USO1: variants seen among roughly 807,000 people sequenced by gnomAD.
USO1 encodes the protein general vesicular transport factor p115.
USO1 carries 57 observed loss-of-function variants against 124.5 expected under a neutral mutation model. That is an observed-to-expected ratio of 0.46 (90% CI 0.37 to 0.57). The LOEUF (loss-of-function observed/expected upper bound fraction) is 0.57. Ranked by LOEUF, USO1 falls within the 20% of genes least tolerant of loss-of-function variation. USO1 has a pLI of 0.00. For missense variants in USO1, 900 were observed against 1,040.6 expected, an observed-to-expected ratio of 0.86 and a Z score of 1.86; for synonymous variants, 369 against 362.8, an observed-to-expected ratio of 1.02 and a Z score of -0.19.
At chr4:75,777,304 A>T (rs1722098309) in intron 8 of USO1, among the ~76,000 whole-genome samples, 1 of 152,180 alleles carries the variant, frequency 6.6e-6, no homozygotes, top group Non-Finnish European at 1.5e-5. Context: ...CTTAGATGCA[A>T]TACCAAAAGT....
At chr4:75,729,464 C>G (rs1003911505) in intron 1 of USO1, among the ~76,000 whole-genome samples, 1 of 152,038 alleles carries the variant, frequency 6.6e-6, no homozygotes, top group Non-Finnish European at 1.5e-5. Flanking sequence ...CTCAGTCTCC[C>G]GAGCAGCTGG....
chr4:75,781,110 C>T (rs188607134), intron 8 of USO1, among the ~76,000 whole-genome samples: 160 of 151,998 alleles, frequency 1.1e-3, no homozygotes, highest in African/African-American at 3.7e-3. Context: ...CATGGGAAGT[C>T]AAAATACCAA....
intron 9 of USO1, among the ~76,000 whole-genome samples, chr4:75,785,841 A>T (rs1358320768): frequency 1.3e-5 from 2 of 152,140 alleles, no homozygotes; most frequent in African/African-American, 2.4e-5. Context: ...TTTGTTTTAA[A>T]TACTCAAAAA....
intron 4 of USO1, among the ~76,000 whole-genome samples, chr4:75,767,992 T>G (rs1721817257): frequency 6.6e-6 from 1 of 152,282 alleles, no homozygotes; most frequent in Admixed American, 6.5e-5. Context: ...ATCTCTGTTT[T>G]TGCAGGTCTT....
At chr4:75,751,163 G>T (rs995081337) in intron 1 of USO1, among the ~76,000 whole-genome samples, 11 of 151,156 alleles carry the variant, frequency 7.3e-5, no homozygotes, top group African/African-American at 2.7e-4. Flanking sequence ...TTAAAATTCA[G>T]TTGAAAGTTT....
rs747830922 is a variant in USO1, at chr4:75,770,910, TAGTC to T, written c.490_493del (p.Ser164LeufsTer7). Reference sequence around the variant, plus strand: ...GGGCCTCAGGTGCAACAAATTATTTTAGTCAGTCCTATGGGTAAGTGACTTATCT... The same window carrying T: ...GGGCCTCAGGTGCAACAAATTATTTTAGTCCTATGGGTAAGTGACTTATCT... On this transcript the variant is annotated frameshift_variant, in exon 6 of 24. Transcript: ENST00000514213. LOFTEE classifies it high-confidence loss of function. 3.1e-6 allele frequency: 5 copies of T among 1,613,442 alleles called. No homozygotes were observed. Among genetic ancestry groups the T allele is most frequent in the Non-Finnish European group, 3.4e-6 (4 of 1,179,710 alleles).
chr4:75,792,995 C>T (rs943972499), intron 12 of USO1, among the ~76,000 whole-genome samples: 3 of 151,996 alleles, frequency 2.0e-5, no homozygotes, highest in African/African-American at 7.2e-5. Context: ...TAAGTGAGAA[C>T]AAATGTTAGT....
chr4:75,743,021 G>T (rs923154077), intron 1 of USO1, among the ~76,000 whole-genome samples: 6 of 147,820 alleles, frequency 4.1e-5, no homozygotes, highest in African/African-American at 1.3e-4. Flanking sequence ...GTCTCGCTCA[G>T]TTGCCCAGGC....
chr4:75,729,629 C>G (rs1031847147), intron 1 of USO1, among the ~76,000 whole-genome samples: 2 of 152,240 alleles, frequency 1.3e-5, no homozygotes, highest in Non-Finnish European at 1.5e-5. Flanking sequence ...GCGTGAGCCA[C>G]TGCGCCCAGC....
At chr4:75,792,105 A>C (rs1163273030) in intron 12 of USO1, among the ~76,000 whole-genome samples, 1 of 151,892 alleles carries the variant, frequency 6.6e-6, no homozygotes, top group Admixed American at 6.6e-5. Context: ...AGTAATTTTG[A>C]AATGTATACT....
At chr4:75,741,210 A>G (rs1377119320) in intron 1 of USO1, among the ~76,000 whole-genome samples, 1 of 152,214 alleles carries the variant, frequency 6.6e-6, no homozygotes, top group East Asian at 1.9e-4. Context: ...ATATTTGTGT[A>G]TCTATGCATC....
chr4:75,798,044 A>C (rs1346964614), intron 13 of USO1, among the ~76,000 whole-genome samples: 1 of 151,826 alleles, frequency 6.6e-6, no homozygotes, highest in East Asian at 1.9e-4. Context: ...GTGTTTTAAA[A>C]TTTTCCTTGT....
At chr4:75,754,379 G>A (rs2149156409) in intron 3 of USO1, among the ~76,000 whole-genome samples, 1 of 152,252 alleles carries the variant, frequency 6.6e-6, no homozygotes, top group Non-Finnish European at 1.5e-5. Flanking sequence ...CACCACACCT[G>A]GCCCTCAATT....
chr4:75,756,994 T>C (rs977845891), intron 3 of USO1, among the ~76,000 whole-genome samples: 4 of 151,930 alleles, frequency 2.6e-5, no homozygotes, highest in Non-Finnish European at 4.4e-5. Context: ...CAGACACACA[T>C]AAAATTAACT....
chr4:75,750,151 G>A (rs1185984904), intron 1 of USO1, among the ~76,000 whole-genome samples: 3 of 152,096 alleles, frequency 2.0e-5, no homozygotes, highest in African/African-American at 7.2e-5. Flanking sequence ...AGCAGAAGTG[G>A]GGTTGGGTGC....
chr4:75,737,139 C>T (rs946584995), intron 1 of USO1, among the ~76,000 whole-genome samples: 1 of 152,172 alleles, frequency 6.6e-6, no homozygotes, highest in African/African-American at 2.4e-5. Flanking sequence ...ACTCAAACTA[C>T]TTGGCTGAAT....
intron 7 of USO1, among the ~76,000 whole-genome samples, chr4:75,772,464 C>T (rs927229228): frequency 6.6e-6 from 1 of 152,010 alleles, no homozygotes; most frequent in Non-Finnish European, 1.5e-5. Flanking sequence ...GTCTCGAACT[C>T]CTGACCTTGT....
In USO1 at chr4:75,724,747, C is replaced by T; in HGVS notation, c.-73C>T. 6.5e-6 allele frequency: 10 copies of T among 1,532,312 alleles called. No homozygotes were observed. Among genetic ancestry groups the T allele is most frequent in the Non-Finnish European group, 7.2e-6 (8 of 1,115,732 alleles). 94.9% of individuals were successfully genotyped at this position (1,532,312 alleles called of 1,614,324 possible). On this transcript the variant is annotated 5_prime_UTR_variant, in exon 1 of 24. Transcript: ENST00000514213. ...TAGAGTGCGGGATTGGGGCCCAGGC[C>T]CTGCGGAGGGCGGGGGAAGTTGTCT...
chr4:75,813,113 G>GAAA, intron 23 of USO1, 93 bp from the exon 24 acceptor site: 4 of 1,014,778 alleles, frequency 3.9e-6, no homozygotes, highest in Admixed American at 3.9e-5. Context: ...CTCCATCTCA[G>GAAA]AAAAAAAAAA....
Sources: gnomAD v4.1 joint callset for allele counts (sites outside exome capture counted in the v4.1 genomes callset) on GRCh38, gnomAD v4.1.1 for gene constraint, MANE v1.5 for transcripts, NCBI Gene and HGNC (gene_info 2026-07-23, HGNC 2026-07-21) for gene names.